The following RIMS2 variants were observed in gnomAD, a reference collection of about 807,000 sequenced individuals.
RIMS2 encodes the protein regulating synaptic membrane exocytosis 2.
RIMS2 carries 59 observed loss-of-function variants against 174.4 expected under a neutral mutation model. The ratio of observed to expected loss-of-function variants is 0.34; its 90% CI spans 0.27 to 0.42. The LOEUF (loss-of-function observed/expected upper bound fraction) is 0.42, where lower values mean the gene tolerates loss of function less well. Ranked by LOEUF, RIMS2 falls within the 10% of genes least tolerant of loss-of-function variation. The pLI, the probability that RIMS2 is intolerant of heterozygous loss-of-function variation, is 1.00. For synonymous variants in RIMS2, 606 were observed against 572.5 expected, an observed-to-expected ratio of 1.06 and a Z score of -0.84; for missense variants, 1,620 against 1,666.3, an observed-to-expected ratio of 0.97 and a Z score of 0.48.
chr8:104,054,779 T>C (rs1373377457), intron 19 of RIMS2, among the ~76,000 whole-genome samples: 1 of 152,132 alleles, frequency 6.6e-6, no homozygotes, highest in Non-Finnish European at 1.5e-5. Context: ...ATTTTATTTT[T>C]CTCTGTAGGT....
At chr8:103,664,640 G>C (rs1225716742) in intron 1 of RIMS2, among the ~76,000 whole-genome samples, 2 of 152,192 alleles carry the variant, frequency 1.3e-5, no homozygotes, top group Non-Finnish European at 1.5e-5. Flanking sequence ...ATGCTGGAGA[G>C]GATGTGGAGA....
chr8:104,020,915 C>G (rs1378786609), intron 19 of RIMS2, among the ~76,000 whole-genome samples: 1 of 151,890 alleles, frequency 6.6e-6, no homozygotes, highest in Non-Finnish European at 1.5e-5. Flanking sequence ...ATTCTGTAAT[C>G]TACCACAACC....
intron 8 of RIMS2, among the ~76,000 whole-genome samples, chr8:103,918,002 T>G (rs931830994): frequency 6.6e-6 from 1 of 152,132 alleles, no homozygotes; most frequent in Non-Finnish European, 1.5e-5. Flanking sequence ...AAATGAGTTT[T>G]AATCACAATA....
intron 3 of RIMS2, among the ~76,000 whole-genome samples, chr8:103,874,147 C>T (rs966821820): frequency 6.6e-6 from 1 of 151,798 alleles, no homozygotes; most frequent in South Asian, 2.1e-4. Context: ...TGACTTATGC[C>T]CTTAAATTGT....
intron 2 of RIMS2, among the ~76,000 whole-genome samples, chr8:103,762,769 A>C (rs917429553): frequency 2.0e-5 from 3 of 152,138 alleles, no homozygotes; most frequent in African/African-American, 7.2e-5. Flanking sequence ...AGTGTACTTA[A>C]ACAAATCTAG....
chr8:103,665,808 A>T (rs895013765), intron 1 of RIMS2, among the ~76,000 whole-genome samples: 3 of 152,128 alleles, frequency 2.0e-5, no homozygotes, highest in Non-Finnish European at 4.4e-5. Context: ...CCTGAAATTT[A>T]TTCTTCATTT....
At chr8:104,152,015 T>C (rs1480351414) in intron 19 of RIMS2, among the ~76,000 whole-genome samples, 3 of 152,200 alleles carry the variant, frequency 2.0e-5, no homozygotes, top group African/African-American at 4.8e-5. Context: ...ATTTCATGTC[T>C]TTACATGTTT....
In RIMS2 at chr8:103,798,424, A is replaced by C. The variant is rs1201850548; in HGVS notation, c.698+31887A>C. On this transcript the variant is annotated intron_variant, in intron 3 of 23. Coordinates refer to ENST00000504942, the Ensembl canonical transcript of RIMS2. ...AGATAGAAGATACAGCATTGTGTAA[A>C]AATAGCATGACAGCAAGTTTGTATA... Among the ~76,000 whole-genome samples, 5 of 152,156 alleles carry C rather than the reference A, an allele frequency of 3.3e-5. No homozygotes were observed. The South Asian group carries it at 8.3e-4, about 25-fold the overall frequency.
In RIMS2 at chr8:103,741,320, A is replaced by G. The variant is rs2097759800; in HGVS notation, c.388-24907A>G. 1.3e-5 allele frequency among the ~76,000 whole-genome samples: 2 copies of G among 152,130 alleles called. 1 individual carries two copies. Among genetic ancestry groups the G allele is most frequent in the Admixed American group, 1.3e-4 (2 of 15,254 alleles). On this transcript the variant is annotated intron_variant, in intron 2 of 23. Coordinates refer to ENST00000504942, the Ensembl canonical transcript of RIMS2. ...TTATAGATGCAAATGCTGAGGAAAT[A>G]TGTTCACATTAATGACTAGATGTGA...
intron 1 of RIMS2, among the ~76,000 whole-genome samples, chr8:103,595,390 T>A (rs979642136): frequency 6.6e-6 from 1 of 151,910 alleles, no homozygotes; most frequent in African/African-American, 2.4e-5. Flanking sequence ...AAATACAGTG[T>A]CTTGTCCCTC....
chr8:104,052,852 G>T (rs2096809332), intron 19 of RIMS2, among the ~76,000 whole-genome samples: 1 of 152,034 alleles, frequency 6.6e-6, no homozygotes, highest in Non-Finnish European at 1.5e-5. Flanking sequence ...AACACTCAAG[G>T]ATAGAATAAA....
chr8:104,122,776 A>G (rs530288759), intron 19 of RIMS2, among the ~76,000 whole-genome samples: 1 of 152,222 alleles, frequency 6.6e-6, no homozygotes, highest in South Asian at 2.1e-4. Context: ...AAATAATGGT[A>G]ATTTTAAAAG....
At chr8:103,936,889 A>G (rs1296733326) in intron 13 of RIMS2, among the ~76,000 whole-genome samples, 167 bp downstream of exon 15, 3 of 152,044 alleles carry the variant, frequency 2.0e-5, no homozygotes, top group African/African-American at 7.2e-5. Context: ...AGGTCAGAAG[A>G]TTGAGACCAT....
intron 1 of RIMS2, among the ~76,000 whole-genome samples, chr8:103,638,826 C>T (rs2096154502): frequency 6.6e-6 from 1 of 152,018 alleles, no homozygotes; most frequent in African/African-American, 2.4e-5. Flanking sequence ...GCTCTCTCAG[C>T]AAACAAAATG....
chr8:103,524,024 A>G (rs1163249149), intron 1 of RIMS2, among the ~76,000 whole-genome samples: 1 of 152,208 alleles, frequency 6.6e-6, no homozygotes, highest in African/African-American at 2.4e-5. Flanking sequence ...ATATTTTCTA[A>G]GTACTGACAA....
intron 19 of RIMS2, among the ~76,000 whole-genome samples, chr8:104,176,079 T>C (rs1032539386): frequency 1.3e-5 from 2 of 152,172 alleles, no homozygotes; most frequent in Admixed American, 1.3e-4. Flanking sequence ...AAGCAGGAAT[T>C]ATAACAATCT....
chr8:103,755,025 C>G (rs10097397), intron 2 of RIMS2, among the ~76,000 whole-genome samples: 58,912 of 151,996 alleles, frequency 0.39, 11,817 homozygotes, highest in African/African-American at 0.44. Context: ...TCATAGTGTC[C>G]ATGGTCTTTA....
intron 19 of RIMS2, among the ~76,000 whole-genome samples, chr8:104,150,048 T>C (rs950375321): frequency 6.6e-6 from 1 of 152,172 alleles, no homozygotes; most frequent in Non-Finnish European, 1.5e-5. Context: ...AAATTGTTAG[T>C]ATTTATACCT....
chr8:103,739,228 A>C (rs559757355), intron 2 of RIMS2, among the ~76,000 whole-genome samples: 1 of 152,300 alleles, frequency 6.6e-6, no homozygotes, highest in African/African-American at 2.4e-5. Flanking sequence ...TGTCCTTTGT[A>C]GGGACATGGA....
Sources: allele counts gnomAD v4.1 joint callset (sites outside exome capture counted in the v4.1 genomes callset), GRCh38; gene constraint gnomAD v4.1.1; transcripts MANE v1.5; gene names NCBI Gene and HGNC (gene_info 2026-07-23, HGNC 2026-07-21).